Variants in CLSTN2 observed in about 807,000 individuals in gnomAD.
CLSTN2 encodes the protein calsyntenin 2, also known as calsyntenin-2.
Under a neutral mutation model 101.2 loss-of-function variants are expected in CLSTN2, and 48 were observed. The ratio of observed to expected loss-of-function variants is 0.47; its 90% confidence interval spans 0.38 to 0.60. The LOEUF is 0.60. Ranked by LOEUF, CLSTN2 falls within the 20% of genes least tolerant of loss-of-function variation. The probability of loss-of-function intolerance (pLI) is 0.00; values close to 1 mark genes in which losing one functional copy is unlikely to be tolerated. For synonymous variants in CLSTN2, 481 were observed against 463.6 expected, an observed-to-expected ratio of 1.04 and a Z score of -0.48; for missense variants, 1,160 against 1,238.2, an observed-to-expected ratio of 0.94 and a Z score of 0.95.
Position 140,129,383 on chromosome 3 carries a change from G to A in CLSTN2, c.110-46568G>A, listed in dbSNP as rs1177789799. Reference sequence around the variant, plus strand: ...CTAGCAAGGACTCTTAGGTCAGGTGGACCTAAGTTCAAACCTAGCTTCTTT... The same window carrying A: ...CTAGCAAGGACTCTTAGGTCAGGTGAACCTAAGTTCAAACCTAGCTTCTTT... On this transcript the variant is annotated intron_variant, in intron 1 of 16. Coordinates refer to ENST00000458420, the MANE Select transcript of CLSTN2 (RefSeq NM_022131.3). Among the ~76,000 whole-genome samples, 4 of 152,110 alleles carry A rather than the reference G, an allele frequency of 2.6e-5. No homozygotes were observed. In the East Asian group the frequency reaches 7.7e-4, roughly 29 times the overall value.
intron 4 of CLSTN2, among the ~76,000 whole-genome samples, chr3:140,409,502 G>A (rs575780435): frequency 6.6e-6 from 1 of 152,294 alleles, no homozygotes; most frequent in South Asian, 2.1e-4. Context: ...TAGTGCCACA[G>A]TGCTCTCCAG....
At chr3:140,299,922 G>A (rs2107908935) in intron 2 of CLSTN2, among the ~76,000 whole-genome samples, 1 of 152,282 alleles carries the variant, frequency 6.6e-6, no homozygotes, top group East Asian at 1.9e-4. Context: ...TAATGCTAGT[G>A]TTTTTATTGA....
chr3:140,546,414 C>T lies in CLSTN2; in HGVS notation c.1508-101C>T, dbSNP rs573811777. 6.2e-5 allele frequency: 76 copies of T among 1,218,740 alleles called. No individual in the cohort carries two copies. In the East Asian group the frequency reaches 8.8e-4, roughly 14 times the overall value. The allele number at this position is 1,218,740 out of a possible 1,614,324, so 75.5% of individuals were successfully genotyped here. A position where few individuals can be genotyped will look rare whatever the true frequency, so the allele number is the denominator to read the frequency against. On this transcript the variant is annotated intron_variant, in intron 9 of 16. Coordinates refer to ENST00000458420, the MANE Select transcript of CLSTN2 (RefSeq NM_022131.3). The stretch of plus-strand genomic sequence containing the variant: ...GAAGGAAAAGCTCAGGTTCAGGGGA[C>T]ACACAATCAAGGCGTCTTTGGCTGC...
chr3:140,005,131 G>A lies in CLSTN2; in HGVS notation c.109+69648G>A, dbSNP rs139052932. Among the ~76,000 whole-genome samples the A allele has an allele frequency of 9.5e-4, 144 of 152,310 alleles. No individual in the cohort carries two copies. The South Asian group carries it at 0.014, about 15-fold the overall frequency. ...AAGAACCCAAGGGTAAAGGAGACAA[G>A]CACTAGAGACCTTGGCCCAGGAATG... On this transcript the variant is annotated intron_variant, in intron 1 of 16. Coordinates refer to ENST00000458420, the MANE Select transcript of CLSTN2 (RefSeq NM_022131.3).
chr3:140,419,902 AT>A (rs573834827), intron 4 of CLSTN2, among the ~76,000 whole-genome samples: 61 of 125,994 alleles, frequency 4.8e-4, no homozygotes, highest in East Asian at 3.2e-3. Context: ...TATTTTGTTG[AT>A]TTTTTTTTTC....
chr3:140,245,811 G>C (rs534794457), intron 2 of CLSTN2, among the ~76,000 whole-genome samples: 1 of 152,194 alleles, frequency 6.6e-6, no homozygotes, highest in African/African-American at 2.4e-5. Context: ...CTGACTTCAG[G>C]GACTTGCAGT....
intron 1 of CLSTN2, among the ~76,000 whole-genome samples, chr3:140,029,556 G>A (rs1439145765): frequency 6.6e-6 from 1 of 152,064 alleles, no homozygotes; most frequent in Non-Finnish European, 1.5e-5. Flanking sequence ...CCATAATGTA[G>A]CCTTCAGAGC....
At chr3:140,278,614 A>G (rs2086816770) in intron 2 of CLSTN2, among the ~76,000 whole-genome samples, 1 of 152,238 alleles carries the variant, frequency 6.6e-6, no homozygotes, top group Non-Finnish European at 1.5e-5. Context: ...CTGGAGGGGA[A>G]GATGGCACAG....
At chr3:140,339,118 C>T (rs1339950286) in intron 2 of CLSTN2, among the ~76,000 whole-genome samples, 1 of 152,246 alleles carries the variant, frequency 6.6e-6, no homozygotes, top group East Asian at 1.9e-4. Context: ...TGTGTGGGCT[C>T]AAGGTGGACA....
intron 4 of CLSTN2, among the ~76,000 whole-genome samples, chr3:140,408,301 T>C (rs1177186963): frequency 6.6e-6 from 1 of 152,098 alleles, no homozygotes; most frequent in Admixed American, 6.5e-5. Flanking sequence ...CTCTTTCAAT[T>C]TCACCCCACC....
At chr3:140,239,054 C>T (rs147303154) in intron 2 of CLSTN2, among the ~76,000 whole-genome samples, 2 of 152,258 alleles carry the variant, frequency 1.3e-5, no homozygotes, top group East Asian at 3.9e-4. Flanking sequence ...CTCAAATGTA[C>T]TTTTTATCTC....
intron 9 of CLSTN2, among the ~76,000 whole-genome samples, chr3:140,543,764 G>A (rs1935532361): frequency 6.6e-6 from 1 of 152,134 alleles, no homozygotes; most frequent in Admixed American, 6.5e-5. Flanking sequence ...TTTCAGAAGA[G>A]AAAAAATGGA....
rs1985745232 is a variant in CLSTN2 at position 140,576,795 on chromosome 3, A to G, written c.*10542A>G. The stretch of plus-strand genomic sequence containing the variant: ...GTACCTGACATGTATCAGACTTCTG[A>G]GCTCTTCAAGCTGCCTCAAAGAATG... On this transcript the variant is annotated 3_prime_UTR_variant, in exon 17 of 17. Coordinates refer to ENST00000458420, the MANE Select transcript of CLSTN2 (RefSeq NM_022131.3). 6.6e-6 allele frequency: 1 copy of G among 152,224 alleles called. No individual in the cohort carries two copies. Among genetic ancestry groups the G allele is most frequent in the South Asian group, 2.1e-4 (1 of 4,836 alleles). 9.4% of individuals were successfully genotyped at this position (152,224 alleles called of 1,614,324 possible). A position where few individuals can be genotyped will look rare whatever the true frequency, so the allele number is the denominator to read the frequency against.
chr3:140,153,096 C>A (rs1173921564), intron 1 of CLSTN2, among the ~76,000 whole-genome samples: 2 of 152,168 alleles, frequency 1.3e-5, no homozygotes, highest in African/African-American at 4.8e-5. Flanking sequence ...ACTTGTTAAA[C>A]TCCAGTGGAG....
chr3:140,397,347 G>A (rs2088193634), intron 2 of CLSTN2, among the ~76,000 whole-genome samples: 1 of 152,106 alleles, frequency 6.6e-6, no homozygotes, highest in Non-Finnish European at 1.5e-5. Context: ...ATAATATTAA[G>A]TTATAGATAT....
intron 1 of CLSTN2, among the ~76,000 whole-genome samples, chr3:140,158,629 T>C (rs1205006078): frequency 6.6e-6 from 1 of 152,080 alleles, no homozygotes; most frequent in Non-Finnish European, 1.5e-5. Flanking sequence ...GAAAACAGTT[T>C]ACAACACTAT....
At chr3:140,068,348 AC>A (rs779348678) in intron 1 of CLSTN2, among the ~76,000 whole-genome samples, 10 of 152,140 alleles carry the variant, frequency 6.6e-5, no homozygotes, top group Non-Finnish European at 1.5e-4. Flanking sequence ...GACTCAATGA[AC>A]CCTTTTAGAG....
intron 1 of CLSTN2, among the ~76,000 whole-genome samples, chr3:140,138,376 G>C (rs2009646730): frequency 6.6e-6 from 1 of 152,176 alleles, no homozygotes; most frequent in South Asian, 2.1e-4. Context: ...TGCTGAACCA[G>C]GGCCAGCAAA....
intron 1 of CLSTN2, among the ~76,000 whole-genome samples, chr3:140,172,109 T>C (rs1263378851): frequency 6.6e-6 from 1 of 150,870 alleles, no homozygotes; most frequent in Non-Finnish European, 1.5e-5. Context: ...TTTTAAACTA[T>C]GAATTAGGGT....
Sources: gnomAD v4.1 joint callset for allele counts (sites outside exome capture counted in the v4.1 genomes callset) on GRCh38, gnomAD v4.1.1 for gene constraint, MANE v1.5 for transcripts, NCBI Gene and HGNC (gene_info 2026-07-23, HGNC 2026-07-21) for gene names.